The following XIRP2 variants were observed in gnomAD, a reference collection of about 807,000 sequenced individuals.
XIRP2 encodes the protein xin actin binding repeat containing 2.
A neutral mutation model predicts 277.0 loss-of-function variants in XIRP2; 236 were observed. The ratio of observed to expected loss-of-function variants is 0.85; its 90% CI spans 0.77 to 0.95. The LOEUF (loss-of-function observed/expected upper bound fraction) is 0.95, where lower values mean the gene tolerates loss of function less well. Among genes scored for constraint, XIRP2 ranks in the 40% least tolerant of loss-of-function variants. XIRP2 has a pLI of 0.00. For synonymous variants in XIRP2, 1,490 were observed against 1,416.5 expected (o/e 1.05, Z -1.17); for missense variants, 4,640 against 4,157.5 (o/e 1.12, Z -3.19).
chr2:167,013,107 C>A (rs73970214), intron 2 of XIRP2, among the ~76,000 whole-genome samples: 1 of 151,118 alleles, frequency 6.6e-6, no homozygotes, highest in Admixed American at 6.6e-5. Flanking sequence ...TATATCGTAG[C>A]TCTGATATAG....
chr2:166,913,321 C>A (rs1054188840), intron 2 of XIRP2, among the ~76,000 whole-genome samples: 2 of 151,708 alleles, frequency 1.3e-5, no homozygotes, highest in South Asian at 2.1e-4. Flanking sequence ...CCCCCCCCCC[C>A]CAGCCTCGCT....
intron 2 of XIRP2, among the ~76,000 whole-genome samples, chr2:166,925,846 G>A (rs1685174256): frequency 6.6e-6 from 1 of 151,616 alleles, no homozygotes; most frequent in Admixed American, 6.6e-5. Flanking sequence ...TAGGCAGGAG[G>A]ATCACTTGAG....
In XIRP2 at chr2:167,083,419, C is replaced by T. The variant is rs191755132; in HGVS notation, c.409-52490C>T. 1.6e-3 allele frequency among the ~76,000 whole-genome samples: 251 copies of T among 152,336 alleles called. 3 individuals are homozygous for T. Among genetic ancestry groups the T allele is most frequent in the African/African-American group, 5.6e-3 (234 of 41,562 alleles). On this transcript the variant is annotated intron_variant, in intron 2 of 10. Transcript: ENST00000409195. ...TTCTTTTTGCTTAGGATTGCCTTGG[C>T]GATGCGGGCTCTTTTTCGGTTCCAT...
At chr2:166,923,029 A>T (rs1479290242) in intron 2 of XIRP2, among the ~76,000 whole-genome samples, 1 of 152,016 alleles carries the variant, frequency 6.6e-6, no homozygotes, top group Non-Finnish European at 1.5e-5. Context: ...AAAATTAAAA[A>T]AAAAAGTGTA....
chr2:166,924,434 C>T (rs946252725), intron 2 of XIRP2, among the ~76,000 whole-genome samples: 9 of 152,000 alleles, frequency 5.9e-5, no homozygotes, highest in African/African-American at 1.9e-4. Context: ...GCTTTATTTG[C>T]ATAAACTGAT....
chr2:167,144,970 G>GA (rs1346242168), intron 3 of XIRP2, among the ~76,000 whole-genome samples: 1 of 152,094 alleles, frequency 6.6e-6, no homozygotes, highest in African/African-American at 2.4e-5. Flanking sequence ...TTGGAAGTTG[G>GA]AAACTATTTT....
At chr2:167,121,604 C>A (rs918099670) in intron 2 of XIRP2, among the ~76,000 whole-genome samples, 3 of 152,048 alleles carry the variant, frequency 2.0e-5, no homozygotes, top group African/African-American at 7.2e-5. Flanking sequence ...CATTATAATT[C>A]TTTTAAGAGT....
intron 1 of XIRP2, among the ~76,000 whole-genome samples, chr2:166,896,482 T>A (rs1382658322): frequency 6.6e-6 from 1 of 151,364 alleles, no homozygotes; most frequent in Admixed American, 6.6e-5. Context: ...TTAATAAAAA[T>A]TTTTAAAAAG....
intron 2 of XIRP2, among the ~76,000 whole-genome samples, chr2:167,129,351 C>G (rs1691306127): frequency 1.3e-5 from 2 of 151,844 alleles, no homozygotes; most frequent in South Asian, 4.2e-4. Flanking sequence ...TCCTGGGGAC[C>G]TCTTCACTCA....
chr2:167,003,497 G>C (rs761585094), intron 2 of XIRP2, among the ~76,000 whole-genome samples: 4 of 151,726 alleles, frequency 2.6e-5, no homozygotes, highest in Non-Finnish European at 5.9e-5. Flanking sequence ...GGAGAGAGGT[G>C]GTGAGTGATA....
intron 2 of XIRP2, among the ~76,000 whole-genome samples, chr2:167,029,264 G>C (rs1380847967): frequency 2.6e-5 from 4 of 152,072 alleles, no homozygotes; most frequent in African/African-American, 9.7e-5. Context: ...TGTGGTGAGA[G>C]AGGGCATCCT....
At chr2:167,063,856 T>C (rs1050010359) in intron 2 of XIRP2, among the ~76,000 whole-genome samples, 22 of 151,742 alleles carry the variant, frequency 1.4e-4, no homozygotes, top group Middle Eastern at 3.5e-3. Flanking sequence ...ATAAACAATA[T>C]ATAGTTGGGT....
intron 2 of XIRP2, among the ~76,000 whole-genome samples, chr2:167,066,554 CAG>C (rs1483794840): frequency 6.6e-6 from 1 of 151,954 alleles, no homozygotes; most frequent in Non-Finnish European, 1.5e-5. Context: ...TTATGAAAAA[CAG>C]AATAGCAGTT....
chr2:166,896,807 C>T (rs1206676232), intron 1 of XIRP2, among the ~76,000 whole-genome samples: 1 of 152,098 alleles, frequency 6.6e-6, no homozygotes, highest in Non-Finnish European at 1.5e-5. Flanking sequence ...TCTAGTCCTG[C>T]AAGCTCCATT....
At chr2:166,955,740 T>C (rs1174124108) in intron 2 of XIRP2, among the ~76,000 whole-genome samples, 1 of 151,824 alleles carries the variant, frequency 6.6e-6, no homozygotes, top group Non-Finnish European at 1.5e-5. Flanking sequence ...AAGAATTTCA[T>C]ACTTTGTGCT....
intron 2 of XIRP2, among the ~76,000 whole-genome samples, chr2:167,054,018 C>G (rs1363445369): frequency 6.6e-6 from 1 of 152,102 alleles, no homozygotes; most frequent in Admixed American, 6.6e-5. Context: ...TTTCTAAACA[C>G]ATTAGGAAAT....
At chr2:167,108,237 CTT>C (rs1162689230) in intron 2 of XIRP2, among the ~76,000 whole-genome samples, 1 of 151,824 alleles carries the variant, frequency 6.6e-6, no homozygotes, top group Non-Finnish European at 1.5e-5. Flanking sequence ...TGTCATCTCT[CTT>C]TTTTCTTTAC....
chr2:167,070,570 G>A (rs1472148106), intron 2 of XIRP2, among the ~76,000 whole-genome samples: 1 of 152,132 alleles, frequency 6.6e-6, no homozygotes, highest in Non-Finnish European at 1.5e-5. Context: ...TTAACATTGA[G>A]ATACATTGTT....
chr2:167,015,713 T>C (rs1687806585), intron 2 of XIRP2, among the ~76,000 whole-genome samples: 1 of 151,694 alleles, frequency 6.6e-6, no homozygotes, highest in Admixed American at 6.6e-5. Context: ...AGAGAAACTT[T>C]GAAGAGAGGG....
Sources: gnomAD v4.1 joint callset for allele counts (sites outside exome capture counted in the v4.1 genomes callset) on GRCh38, gnomAD v4.1.1 for gene constraint, MANE v1.5 for transcripts, NCBI Gene and HGNC (gene_info 2026-07-23, HGNC 2026-07-21) for gene names.